DPP10: variants seen among roughly 807,000 people sequenced by gnomAD.
DPP10 encodes inactive dipeptidyl peptidase 10.
DPP10 carries 33 observed loss-of-function variants against 120.9 expected under a neutral mutation model. That is an observed-to-expected ratio of 0.27 (90% CI 0.21 to 0.37). The LOEUF (loss-of-function observed/expected upper bound fraction) is 0.37. Ranked by LOEUF, DPP10 falls within the 10% of genes least tolerant of loss-of-function variation. The pLI is 1.00. For missense variants in DPP10, 816 were observed against 942.8 expected, an observed-to-expected ratio of 0.87 and a Z score of 1.76; for synonymous variants, 337 against 326.1, an observed-to-expected ratio of 1.03 and a Z score of -0.36.
At chr2:114,845,936 T>C (rs1316582665) in intron 1 of DPP10, among the ~76,000 whole-genome samples, 3 of 151,960 alleles carry the variant, frequency 2.0e-5, no homozygotes, top group Admixed American at 2.0e-4. Flanking sequence ...GCTTGGGGAG[T>C]TATGTGCTAT....
At chr2:114,687,040 T>C (rs905195026) in intron 1 of DPP10, among the ~76,000 whole-genome samples, 2 of 151,922 alleles carry the variant, frequency 1.3e-5, no homozygotes, top group Non-Finnish European at 2.9e-5. Context: ...TATACAACAA[T>C]GTTGAGAAAA....
chr2:114,744,295 A>G (rs986342423), intron 1 of DPP10, among the ~76,000 whole-genome samples: 3 of 152,218 alleles, frequency 2.0e-5, no homozygotes, highest in African/African-American at 7.2e-5. Flanking sequence ...AGCTGTAAAA[A>G]GGCACACACA....
intron 5 of DPP10, among the ~76,000 whole-genome samples, chr2:115,680,371 T>C (rs1039502111): frequency 8.6e-5 from 13 of 151,974 alleles, no homozygotes; most frequent in African/African-American, 3.1e-4. Flanking sequence ...AAAGGTGCAA[T>C]ATAATCCTTG....
At chr2:115,661,973 A>G (rs2089017613) in intron 5 of DPP10, among the ~76,000 whole-genome samples, 1 of 152,114 alleles carries the variant, frequency 6.6e-6, no homozygotes, top group East Asian at 1.9e-4. Flanking sequence ...GAACTTACCC[A>G]TCTCACAGAA....
At chr2:114,804,205 T>C (rs531909650) in intron 1 of DPP10, among the ~76,000 whole-genome samples, 3 of 152,366 alleles carry the variant, frequency 2.0e-5, no homozygotes, top group Admixed American at 2.0e-4. Context: ...GAATTGAGGT[T>C]TGGGAACCTC....
At chr2:115,807,791 G>GAA (rs200850979) in intron 19 of DPP10, among the ~76,000 whole-genome samples, 4 of 141,254 alleles carry the variant, frequency 2.8e-5, no homozygotes, top group African/African-American at 1.1e-4. Flanking sequence ...TGGAGATCAA[G>GAA]AAAAAAAAAA....
intron 1 of DPP10, among the ~76,000 whole-genome samples, chr2:114,711,600 T>G (rs1404676708): frequency 1.3e-5 from 2 of 152,222 alleles, no homozygotes; most frequent in Non-Finnish European, 2.9e-5. Context: ...AAGTAGTCAG[T>G]GCTTGGCACA....
At chr2:114,724,012 A>C (rs1490328392) in intron 1 of DPP10, among the ~76,000 whole-genome samples, 1 of 152,230 alleles carries the variant, frequency 6.6e-6, no homozygotes, top group Non-Finnish European at 1.5e-5. Flanking sequence ...GCCATGAGAC[A>C]CGAGGAAAAG....
At chr2:115,207,922 A>G (rs899050072) in intron 1 of DPP10, among the ~76,000 whole-genome samples, 1 of 152,182 alleles carries the variant, frequency 6.6e-6, no homozygotes, top group Admixed American at 6.5e-5. Context: ...GCCTAGTTAT[A>G]TAACAATAGA....
Position 115,525,894 on chromosome 2 carries a change from C to A in DPP10, c.367-4C>A. On this transcript the variant is annotated splice_region_variant and splice_polypyrimidine_tract_variant and intron_variant, in intron 4 of 25. Transcript: ENST00000410059. ...ATATAACTGGTTTTTTTTTCTTTTTCTAGGTAACCTTCAAAGCATCAAGAC... is the reference window on the plus strand; with the variant it reads ...ATATAACTGGTTTTTTTTTCTTTTTATAGGTAACCTTCAAAGCATCAAGAC... 1 of 1,559,610 alleles carries A rather than the reference C, an allele frequency of 6.4e-7. No individual in the cohort carries two copies. Among genetic ancestry groups the A allele is most frequent in the South Asian group, 1.2e-5 (1 of 82,332 alleles).
At chr2:115,756,111 T>C (rs1373388964) in intron 11 of DPP10, among the ~76,000 whole-genome samples, 1 of 152,006 alleles carries the variant, frequency 6.6e-6, no homozygotes, top group Admixed American at 6.6e-5. Context: ...TGCTCTTACG[T>C]CTATCTGGGG....
intron 1 of DPP10, among the ~76,000 whole-genome samples, chr2:114,664,705 G>T (rs1043858824): frequency 6.6e-6 from 1 of 152,010 alleles, no homozygotes; most frequent in African/African-American, 2.4e-5. Context: ...GCACAATCGG[G>T]GATGGAGAGG....
At chr2:115,475,821 G>T (rs2105220917) in intron 3 of DPP10, among the ~76,000 whole-genome samples, 1 of 152,274 alleles carries the variant, frequency 6.6e-6, no homozygotes, top group East Asian at 1.9e-4. Context: ...TTTAATGACT[G>T]CTTTTCTGGG....
chr2:115,818,613 C>T (rs1687502525), intron 21 of DPP10, among the ~76,000 whole-genome samples: 1 of 152,014 alleles, frequency 6.6e-6, no homozygotes, highest in Non-Finnish European at 1.5e-5. Context: ...GTGAAGGGAG[C>T]ATGTGTGGAG....
At chr2:115,805,526 G>A (rs6705438) in intron 19 of DPP10, among the ~76,000 whole-genome samples, 39,661 of 150,664 alleles carry the variant, frequency 0.26, 5,549 homozygotes, top group Middle Eastern at 0.45. Context: ...CGTGGCTCAG[G>A]CAGGGAGCTG....
chr2:114,950,292 C>CTTT lies in DPP10; in HGVS notation c.61-358928_61-358926dup, dbSNP rs35889704. Among the ~76,000 whole-genome samples the CTTT allele has an allele frequency of 5.3e-3, 485 of 90,768 alleles. 6 individuals are homozygous for CTTT. The highest frequency in any genetic ancestry group is 7.2e-3 in the Non-Finnish European group (335 of 46,816). 59.5% of individuals were successfully genotyped at this position (90,768 alleles called of 152,430 possible). A position where few individuals can be genotyped will look rare whatever the true frequency, so the allele number is the denominator to read the frequency against. On this transcript the variant is annotated intron_variant, in intron 1 of 25. Coordinates refer to ENST00000410059, the MANE Select transcript of DPP10 (RefSeq NM_020868.6). The stretch of plus-strand genomic sequence containing the variant: ...TAAAAAATAATGAGACCACACCTTG[C>CTTT]TTTTTTTTTTTTTTTTTTTTTGAGA...
chr2:115,689,940 A>G lies in DPP10; in HGVS notation c.576+19A>G, dbSNP rs774889979. ...GCAGCTGGTAAGCGCAGGCATTGGT[A>G]TGCACTGAACACTGCCAATCATGGT... On this transcript the variant is annotated intron_variant, in intron 7 of 25. Transcript: ENST00000410059. 14 of 1,611,848 alleles carry G rather than the reference A, an allele frequency of 8.7e-6. No individual in the cohort carries two copies. The highest frequency in any genetic ancestry group is 1.2e-5 in the Non-Finnish European group (14 of 1,178,436).
intron 2 of DPP10, among the ~76,000 whole-genome samples, chr2:115,311,064 A>G (rs555288140): frequency 7.2e-5 from 11 of 152,300 alleles, no homozygotes; most frequent in African/African-American, 2.4e-4. Context: ...AATTTTTCCC[A>G]GTATAAAACC....
intron 1 of DPP10, among the ~76,000 whole-genome samples, chr2:115,288,613 C>T (rs2060504441): frequency 6.6e-6 from 1 of 151,882 alleles, no homozygotes; most frequent in South Asian, 2.1e-4. Context: ...ATCCCAGCTA[C>T]TCGGGAGGCT....
Sources: gnomAD v4.1 joint callset for allele counts (sites outside exome capture counted in the v4.1 genomes callset) on GRCh38, gnomAD v4.1.1 for gene constraint, MANE v1.5 for transcripts, NCBI Gene and HGNC (gene_info 2026-07-23, HGNC 2026-07-21) for gene names.